Variants in SPAG9 observed in about 807,000 individuals in gnomAD.
The protein encoded by SPAG9 is sperm associated antigen 9.
Under a neutral mutation model 166.5 loss-of-function variants are expected in SPAG9, and 35 were observed. The ratio of observed to expected loss-of-function variants is 0.21; its 90% CI spans 0.16 to 0.28. The LOEUF (loss-of-function observed/expected upper bound fraction) is 0.28, where lower values mean the gene tolerates loss of function less well. Ranked by LOEUF, SPAG9 falls within the 10% of genes least tolerant of loss-of-function variation. The pLI, the probability that SPAG9 is intolerant of heterozygous loss-of-function variation, is 1.00. For synonymous variants in SPAG9, 534 were observed against 565.5 expected, an observed-to-expected ratio of 0.94 and a Z score of 0.79; for missense variants, 1,235 against 1,603.3, an observed-to-expected ratio of 0.77 and a Z score of 3.92.
rs1597972643 is a variant in SPAG9, at chr17:51,006,145, A to C, written c.1364T>G (p.Val455Gly). 1 of 1,614,194 alleles carries C rather than the reference A, an allele frequency of 6.2e-7. No homozygotes were observed. ...CTCTAGTTTCAGTTTGGCTTGCTTC[A>C]CAGCCTCCAATTCCCCTTGCAGCAC... is the stretch of plus-strand genomic sequence containing the variant. ...KDVLQGELEA[V>G]KQAKLKLEEK... The change falls in exon 11 of 30, where the codon GTG becomes GGG. Residue 455 changes from valine (V) to glycine (G), a missense_variant. Coordinates refer to ENST00000262013, the MANE Select transcript of SPAG9 (RefSeq NM_001130528.3).
At chr17:50,966,635 T>A (rs1178904774) in intron 29 of SPAG9, among the ~76,000 whole-genome samples, 2 of 152,216 alleles carry the variant, frequency 1.3e-5, no homozygotes, top group Admixed American at 6.5e-5. Flanking sequence ...CAGTTCACTA[T>A]ACTACGTTAA....
chr17:50,990,068 C>T lies in SPAG9; in HGVS notation c.2618-196G>A. On this transcript the variant is annotated intron_variant, in intron 20 of 29. Coordinates refer to ENST00000262013, the MANE Select transcript of SPAG9 (RefSeq NM_001130528.3). ...TTTGAGACAGAGTCTTGCTCTGTTG[C>T]CCAGGCTGGAGTGCGGCGGCGTGAT... 1.3e-5 allele frequency: 8 copies of T among 608,106 alleles called. No individual in the cohort carries two copies. The South Asian group carries it at 1.4e-4, about 11-fold the overall frequency. The allele number at this position is 608,106 out of a possible 1,614,324, so 37.7% of individuals were successfully genotyped here.
intron 2 of SPAG9, among the ~76,000 whole-genome samples, chr17:51,058,248 ACAC>A (rs1255198315): frequency 6.6e-6 from 1 of 152,230 alleles, no homozygotes; most frequent in Non-Finnish European, 1.5e-5. Flanking sequence ...TGTATCACCA[ACAC>A]CACCACTACT....
chr17:50,963,560 C>A lies in SPAG9; in HGVS notation c.*2712G>T, dbSNP rs978495357. The A allele has an allele frequency of 6.6e-6, 1 of 152,190 alleles. No homozygotes were observed. Among genetic ancestry groups the A allele is most frequent in the African/African-American group, 2.4e-5 (1 of 41,442 alleles). 9.4% of individuals were successfully genotyped at this position (152,190 alleles called of 1,614,324 possible). ...CATCTTTAGATAAAACAACTACACA[C>A]CTATATTACTTAAGTTAAAGCCAGT... On this transcript the variant is annotated 3_prime_UTR_variant, in exon 30 of 30. Coordinates refer to ENST00000262013, the MANE Select transcript of SPAG9 (RefSeq NM_001130528.3).
At chr17:51,040,730 C>A (rs1311652568) in intron 5 of SPAG9, among the ~76,000 whole-genome samples, 1 of 151,982 alleles carries the variant, frequency 6.6e-6, no homozygotes, top group East Asian at 1.9e-4. Flanking sequence ...CATGCTTAGA[C>A]CATGATAAGT....
At chr17:51,090,223 CAAGT>C (rs2048428558) in intron 1 of SPAG9, among the ~76,000 whole-genome samples, 3 of 152,000 alleles carry the variant, frequency 2.0e-5, no homozygotes, top group Admixed American at 2.0e-4. Context: ...GTAAAAAAGA[CAAGT>C]AAGATTCCAC....
intron 6 of SPAG9, among the ~76,000 whole-genome samples, chr17:51,028,997 AC>A (rs1207607855): frequency 6.6e-6 from 1 of 152,186 alleles, no homozygotes; most frequent in African/African-American, 2.4e-5. Context: ...ATGGAGACTT[AC>A]GCAGTCATCA....
intron 8 of SPAG9, 142 bp from the exon 9 acceptor site, chr17:51,014,495 T>C: frequency 1.6e-6 from 1 of 625,194 alleles, no homozygotes; most frequent in Non-Finnish European, 2.6e-6. Context: ...TAAAAAGATT[T>C]CTCAAAGGCT....
chr17:51,045,862 G>A (rs2047000215), intron 4 of SPAG9, among the ~76,000 whole-genome samples: 1 of 151,978 alleles, frequency 6.6e-6, no homozygotes, highest in Non-Finnish European at 1.5e-5. Flanking sequence ...GAAAAGAAAG[G>A]GCAACATCTG....
intron 6 of SPAG9, among the ~76,000 whole-genome samples, chr17:51,029,191 A>G (rs1168509998): frequency 6.6e-6 from 1 of 152,242 alleles, no homozygotes; most frequent in East Asian, 1.9e-4. Context: ...GAAAAAAAAT[A>G]GATGTAACAC....
At position 51,021,069 on chromosome 17, in the gene SPAG9, C is replaced by T. The variant is rs904516650; in HGVS notation, c.991+89G>A. On this transcript the variant is annotated intron_variant, in intron 7 of 29. Transcript: ENST00000262013. ...GCCTATTTTATAAATACAAAGCAGG[C>T]AACACCCACAAAGACATATTTTCTC... 102 of 1,080,188 alleles carry T rather than the reference C, an allele frequency of 9.4e-5. 1 individual carries two copies. The South Asian group carries it at 1.3e-3, about 14-fold the overall frequency. 66.9% of individuals were successfully genotyped at this position (1,080,188 alleles called of 1,614,324 possible).
At position 51,013,215 on chromosome 17, in the gene SPAG9, T is replaced by C. The variant is rs536998397; in HGVS notation, c.1213+1017A>G. Among the ~76,000 whole-genome samples the C allele has an allele frequency of 3.8e-3, 576 of 152,296 alleles. 2 individuals carry two copies. Among genetic ancestry groups the C allele is most frequent in the Middle Eastern group, 0.01 (3 of 292 alleles). ...GTAATCTGTACTATAATTATACCAATAGATACAAATTTTTTTAGCTTAGTA... is the reference window on the plus strand; with the variant it reads ...GTAATCTGTACTATAATTATACCAACAGATACAAATTTTTTTAGCTTAGTA... On this transcript the variant is annotated intron_variant, in intron 9 of 29. Coordinates refer to ENST00000262013, the MANE Select transcript of SPAG9 (RefSeq NM_001130528.3).
At chr17:50,986,990 T>C (rs1975092577) in intron 22 of SPAG9, 122 bp downstream of exon 22, 1 of 872,058 alleles carries the variant, frequency 1.1e-6, no homozygotes, top group Non-Finnish European at 1.8e-6. Context: ...ATTGTGTGTA[T>C]ATATAAAATT....
intron 24 of SPAG9, among the ~76,000 whole-genome samples, chr17:50,983,283 G>A (rs776784995): frequency 1.3e-4 from 20 of 152,108 alleles, no homozygotes; most frequent in Non-Finnish European, 2.8e-4. Context: ...TCACCCACTC[G>A]TCTGCAGTCT....
At chr17:51,089,625 TA>T (rs2048400942) in intron 1 of SPAG9, among the ~76,000 whole-genome samples, 3 of 55,568 alleles carry the variant, frequency 5.4e-5, no homozygotes, top group African/African-American at 3.0e-4. Context: ...TTATTTTATA[TA>T]TATATATATA....
Position 51,001,853 on chromosome 17 carries a change from G to A in SPAG9, c.1477-8C>T, listed in dbSNP as rs1478049674. ...GGCTGTGGGAATATCACTCTATAATGACAAGAAAATGACATATCATTCTGG... is the reference window on the plus strand; with the variant it reads ...GGCTGTGGGAATATCACTCTATAATAACAAGAAAATGACATATCATTCTGG... On this transcript the variant is annotated splice_polypyrimidine_tract_variant and splice_region_variant and intron_variant, in intron 12 of 29. Transcript: ENST00000262013. The A allele has an allele frequency of 1.2e-6, 2 of 1,609,354 alleles. No homozygotes were observed. The highest frequency in any genetic ancestry group is 2.7e-5 in the African/African-American group (2 of 74,594).
intron 3 of SPAG9, among the ~76,000 whole-genome samples, chr17:51,049,844 C>T (rs1319193866): frequency 2.0e-5 from 3 of 152,152 alleles, no homozygotes; most frequent in African/African-American, 4.8e-5. Context: ...GTGATCCACC[C>T]GCCTTGGCCT....
chr17:51,057,471 C>T (rs2047392773), intron 2 of SPAG9, among the ~76,000 whole-genome samples: 1 of 152,186 alleles, frequency 6.6e-6, no homozygotes, highest in African/African-American at 2.4e-5. Flanking sequence ...CTGTGGAGGA[C>T]AGCTGTAGAA....
chr17:50,989,830 G>T lies in SPAG9; in HGVS notation c.2660C>A (p.Thr887Lys). 6.2e-7 allele frequency: 1 copy of T among 1,614,138 alleles called. No individual in the cohort carries two copies. Among genetic ancestry groups the T allele is most frequent in the Non-Finnish European group, 8.5e-7 (1 of 1,180,028 alleles). ...TGTAGCTTCAGTTGCTTCTTCTGCT[G>T]TTGGAACATTTTCATCAACCTCACT... ...ENSEVDENVP[T>K]AEEATEATEG... Residue 887 changes from threonine (T) to lysine (K), a missense_variant, in exon 21 of 30, where the codon ACA becomes AAA. By Grantham distance (78) the Thr-to-Lys change is moderately conservative. Transcript: ENST00000262013.
Sources: allele counts gnomAD v4.1 joint callset (sites outside exome capture counted in the v4.1 genomes callset), GRCh38; gene constraint gnomAD v4.1.1; transcripts MANE v1.5; gene names NCBI Gene and HGNC (gene_info 2026-07-23, HGNC 2026-07-21).